The following BEND6 variants were observed in gnomAD, a reference collection of about 807,000 sequenced individuals.
The protein encoded by BEND6 is BEN domain containing 6, also known as BEN domain-containing protein 6.
BEND6 carries 24 observed loss-of-function variants against 31.8 expected under a neutral mutation model. That is an observed-to-expected ratio of 0.75 (90% CI 0.55 to 1.06). The LOEUF (loss-of-function observed/expected upper bound fraction) is 1.06, where lower values mean the gene tolerates loss of function less well. BEND6 is among the 50% of genes least tolerant of loss of function. The pLI is 0.00. For missense variants in BEND6, 294 were observed against 327.4 expected (o/e 0.90, Z 0.79); for synonymous variants, 109 against 114.6 (o/e 0.95, Z 0.31).
chr6:56,993,902 G>A (rs1826603272), intron 3 of BEND6, among the ~76,000 whole-genome samples: 1 of 152,086 alleles, frequency 6.6e-6, no homozygotes, highest in African/African-American at 2.4e-5. Context: ...GTCACACTGT[G>A]TTACCCAGGC....
At chr6:57,015,681 T>A (rs966117101) in intron 4 of BEND6, among the ~76,000 whole-genome samples, 2 of 151,106 alleles carry the variant, frequency 1.3e-5, no homozygotes, top group Non-Finnish European at 2.9e-5. Flanking sequence ...GACGGGCACC[T>A]GTAGTCCCAG....
chr6:57,020,068 G>C (rs1827689314), intron 6 of BEND6, among the ~76,000 whole-genome samples: 1 of 152,156 alleles, frequency 6.6e-6, no homozygotes, highest in South Asian at 2.1e-4. Flanking sequence ...CAGCCTGGGG[G>C]ACAGAGTGAG....
intron 1 of BEND6, among the ~76,000 whole-genome samples, chr6:56,972,020 A>T (rs566820195): frequency 4.6e-5 from 7 of 151,632 alleles, no homozygotes; most frequent in African/African-American, 1.5e-4. Context: ...ATACCCAAGA[A>T]ATCTTTGAAA....
intron 2 of BEND6, among the ~76,000 whole-genome samples, chr6:56,988,433 A>G (rs1826369410): frequency 6.6e-6 from 1 of 152,264 alleles, no homozygotes; most frequent in South Asian, 2.1e-4. Flanking sequence ...ACGAAGAGAA[A>G]TGAAGAAAGG....
chr6:57,025,493 C>G (rs988293445), intron 6 of BEND6, among the ~76,000 whole-genome samples: 31 of 152,164 alleles, frequency 2.0e-4, no homozygotes, highest in African/African-American at 7.2e-4. Context: ...TGCTGCCTGA[C>G]CTGAATGGGG....
At chr6:56,973,915 C>A (rs909158229) in intron 1 of BEND6, among the ~76,000 whole-genome samples, 6 of 152,032 alleles carry the variant, frequency 3.9e-5, no homozygotes, top group Non-Finnish European at 7.4e-5. Context: ...CCATGCCCAG[C>A]TAGCTTTTTG....
intron 2 of BEND6, among the ~76,000 whole-genome samples, chr6:56,991,446 C>G (rs966170468): frequency 3.3e-5 from 5 of 151,914 alleles, no homozygotes; most frequent in Admixed American, 3.3e-4. Flanking sequence ...ACCATCTCGG[C>G]TTACTGCAGC....
chr6:57,002,560 A>T (rs1481476261), intron 3 of BEND6, among the ~76,000 whole-genome samples: 2 of 151,958 alleles, frequency 1.3e-5, no homozygotes, highest in African/African-American at 4.8e-5. Flanking sequence ...TATCAAGAAG[A>T]TCTCTCAAAA....
chr6:57,025,193 C>T (rs757784215), intron 6 of BEND6, among the ~76,000 whole-genome samples: 1 of 152,102 alleles, frequency 6.6e-6, no homozygotes, highest in Non-Finnish European at 1.5e-5. Context: ...CACATATCAC[C>T]GTCTCACTAA....
At chr6:57,014,555 G>T (rs1285195417) in intron 3 of BEND6, 2 of 1,443,082 alleles carry the variant, frequency 1.4e-6, no homozygotes, top group African/African-American at 1.5e-5. Context: ...AAGGAACAAA[G>T]AAAATATTCC....
chr6:56,977,901 G>A lies in BEND6; in HGVS notation c.-100-3810G>A, dbSNP rs1202085335. Among the ~76,000 whole-genome samples the A allele has an allele frequency of 2.0e-5, 3 of 152,158 alleles. No individual in the cohort carries two copies. The East Asian group carries it at 5.8e-4, about 29-fold the overall frequency. On this transcript the variant is annotated intron_variant, in intron 1 of 6. Transcript: ENST00000370746. ...GAGTCCAGGAGGTCAAGGCTGAAGT[G>A]AGCCAAGATTGCACCACTACACTCC...
chr6:57,016,146 C>T (rs1292729808), intron 4 of BEND6, among the ~76,000 whole-genome samples: 1 of 152,096 alleles, frequency 6.6e-6, no homozygotes, highest in Non-Finnish European at 1.5e-5. Flanking sequence ...TGGCTGAACA[C>T]AATTCTTTTT....
At chr6:56,962,149 A>G (rs1292129541) in intron 1 of BEND6, among the ~76,000 whole-genome samples, 3 of 152,162 alleles carry the variant, frequency 2.0e-5, no homozygotes, top group African/African-American at 7.2e-5. Flanking sequence ...ATCTTCCACC[A>G]TGTGATGACA....
chr6:56,972,514 T>C (rs990627438), intron 1 of BEND6, among the ~76,000 whole-genome samples: 2 of 152,224 alleles, frequency 1.3e-5, no homozygotes, highest in African/African-American at 4.8e-5. Context: ...TCTTGAAAAC[T>C]AATTATGTAC....
At chr6:57,002,506 T>C (rs1256094262) in intron 3 of BEND6, among the ~76,000 whole-genome samples, 1 of 152,200 alleles carries the variant, frequency 6.6e-6, no homozygotes, top group African/African-American at 2.4e-5. Context: ...TGAAATTATA[T>C]GAACCATACT....
rs140457672 is a variant in BEND6, at chr6:56,984,731, G to C, written c.120+2801G>C. Among the ~76,000 whole-genome samples, 8 of 152,236 alleles carry C rather than the reference G, an allele frequency of 5.3e-5. No individual in the cohort carries two copies. The East Asian group carries it at 1.3e-3, about 26-fold the overall frequency. On this transcript the variant is annotated intron_variant, in intron 2 of 6. Coordinates refer to ENST00000370746, the MANE Select transcript of BEND6 (RefSeq NM_152731.3). ...TCTTCAATTACGGCATCTGTGTTCA[G>C]CCTCTTTTCTCTCCAATTTATGACA...
intron 6 of BEND6, among the ~76,000 whole-genome samples, chr6:57,023,613 T>C (rs575565403): frequency 6.6e-6 from 1 of 152,324 alleles, no homozygotes; most frequent in East Asian, 1.9e-4. Context: ...CCATTTACAT[T>C]CAATGTTACT....
At chr6:57,000,322 A>C (rs1178363505) in intron 3 of BEND6, among the ~76,000 whole-genome samples, 1 of 152,186 alleles carries the variant, frequency 6.6e-6, no homozygotes, top group East Asian at 1.9e-4. Context: ...GTGCTGTGTT[A>C]ACTCAGGGTT....
At chr6:56,985,441 A>T (rs921981174) in intron 2 of BEND6, among the ~76,000 whole-genome samples, 3 of 152,024 alleles carry the variant, frequency 2.0e-5, no homozygotes, top group Non-Finnish European at 1.5e-5. Context: ...CACAGCCTCT[A>T]TCTCTAGGTC....
Sources: allele counts gnomAD v4.1 joint callset (sites outside exome capture counted in the v4.1 genomes callset), GRCh38; gene constraint gnomAD v4.1.1; transcripts MANE v1.5; gene names NCBI Gene and HGNC (gene_info 2026-07-23, HGNC 2026-07-21).